Variants in CSMD1 observed in about 807,000 individuals in gnomAD.
CSMD1 encodes the protein CUB and sushi domain-containing protein 1.
In CSMD1, 213 loss-of-function variants were observed where a neutral mutation model predicts 417.5. The observed-to-expected ratio is 0.51, with a 90% confidence interval of 0.46 to 0.57. CSMD1 has a LOEUF of 0.57. Ranked by LOEUF, CSMD1 falls within the 20% of genes least tolerant of loss-of-function variation. The pLI, the probability that CSMD1 is intolerant of heterozygous loss-of-function variation, is 0.00. For synonymous variants in CSMD1, 2,862 were observed against 1,736.8 expected, an observed-to-expected ratio of 1.65 and a Z score of -16.11; for missense variants, 6,923 against 4,529.7, an observed-to-expected ratio of 1.53 and a Z score of -15.17.
At chr8:4,648,347 G>T (rs561782835) in intron 1 of CSMD1, among the ~76,000 whole-genome samples, 1 of 152,154 alleles carries the variant, frequency 6.6e-6, no homozygotes, top group South Asian at 2.1e-4. Flanking sequence ...ATAATGACAT[G>T]ATCCACATTC....
intron 35 of CSMD1, 134 bp downstream of exon 35, chr8:3,188,753 T>C: frequency 1.7e-6 from 1 of 591,110 alleles, no homozygotes; most frequent in Non-Finnish European, 2.6e-6. Flanking sequence ...GTATTTAAAA[T>C]AACCAGTATA....
intron 3 of CSMD1, among the ~76,000 whole-genome samples, chr8:4,095,759 C>T (rs879903878): frequency 6.6e-6 from 1 of 152,096 alleles, no homozygotes; most frequent in Non-Finnish European, 1.5e-5. Flanking sequence ...TCTACATAGT[C>T]CTATTACGTG....
intron 5 of CSMD1, among the ~76,000 whole-genome samples, chr8:3,809,335 A>G (rs1282050442): frequency 1.3e-5 from 2 of 152,176 alleles, no homozygotes; most frequent in Non-Finnish European, 2.9e-5. Context: ...TTTTATCGAT[A>G]AATATTTGTT....
At chr8:3,071,494 T>C (rs1813320912) in intron 49 of CSMD1, among the ~76,000 whole-genome samples, 1 of 152,134 alleles carries the variant, frequency 6.6e-6, no homozygotes, top group Admixed American at 6.5e-5. Context: ...ATTCTGCACA[T>C]GTATCCCAGA....
rs538910064 is a variant in CSMD1, at chr8:3,188,602, C to T, written c.5523+285G>A. Among the ~76,000 whole-genome samples the T allele has an allele frequency of 8.6e-5, 13 of 151,662 alleles. No homozygotes were observed. The East Asian group carries it at 9.7e-4, about 11-fold the overall frequency. On this transcript the variant is annotated intron_variant, in intron 35 of 69. Transcript: ENST00000635120. ...GACTACATGCATGAGCCAATGCACA[C>T]GGCTGAAAGAACAATTTCTACAAAT... is the stretch of plus-strand genomic sequence containing the variant.
chr8:4,032,106 G>GA lies in CSMD1; in HGVS notation c.416-8dup. ...CAAGTGTGGCTAGGTAAAACTATTG[G>GA]AAAAAGAAAAGAAAGGAGAAAAAAC... On this transcript the variant is annotated splice_region_variant and splice_polypyrimidine_tract_variant and intron_variant, in intron 3 of 69. Coordinates refer to ENST00000635120, the MANE Select transcript of CSMD1 (RefSeq NM_033225.6). 6.3e-7 allele frequency: 1 copy of GA among 1,584,406 alleles called. No homozygotes were observed. Among genetic ancestry groups the GA allele is most frequent in the Non-Finnish European group, 8.6e-7 (1 of 1,160,780 alleles).
At chr8:4,007,884 T>G (rs1302149888) in intron 4 of CSMD1, among the ~76,000 whole-genome samples, 1 of 151,980 alleles carries the variant, frequency 6.6e-6, no homozygotes, top group African/African-American at 2.4e-5. Flanking sequence ...GATCTGTGGC[T>G]TTCTTAAGAA....
intron 26 of CSMD1, among the ~76,000 whole-genome samples, chr8:3,249,994 T>G (rs1438178361): frequency 6.6e-6 from 1 of 152,226 alleles, no homozygotes; most frequent in East Asian, 1.9e-4. Context: ...ATTTCAAAAA[T>G]GTAGGTTATT....
intron 1 of CSMD1, among the ~76,000 whole-genome samples, chr8:4,879,233 G>C (rs981254272): frequency 6.6e-6 from 1 of 151,990 alleles, no homozygotes; most frequent in African/African-American, 2.4e-5. Flanking sequence ...CAGGGACAAG[G>C]ACATCAACTC....
chr8:4,386,777 A>G (rs1803483059), intron 3 of CSMD1, among the ~76,000 whole-genome samples: 1 of 152,210 alleles, frequency 6.6e-6, no homozygotes. Flanking sequence ...AGTTGGTTTC[A>G]GTTGAAGAGA....
intron 5 of CSMD1, among the ~76,000 whole-genome samples, chr8:3,768,464 T>C (rs1033015884): frequency 3.3e-5 from 5 of 152,184 alleles, no homozygotes; most frequent in African/African-American, 1.2e-4. Context: ...ATTTCCAACA[T>C]ATTTTTTTCT....
At chr8:3,953,733 C>A (rs369842878) in intron 5 of CSMD1, among the ~76,000 whole-genome samples, 1 of 152,096 alleles carries the variant, frequency 6.6e-6, no homozygotes, top group East Asian at 1.9e-4. Context: ...AAGCTTCCCC[C>A]ACAGAGCCCC....
Position 4,021,075 on chromosome 8 carries a change from T to G in CSMD1, c.610+10830A>C, listed in dbSNP as rs566394749. 2.0e-5 allele frequency among the ~76,000 whole-genome samples: 3 copies of G among 152,300 alleles called. No individual in the cohort carries two copies. The South Asian group carries it at 6.2e-4, about 32-fold the overall frequency. The stretch of plus-strand genomic sequence containing the variant: ...GACAGCATCAGAGCTCTACAAGCAT[T>G]AGCAATAATGAGGATAGAGGATACA... On this transcript the variant is annotated intron_variant, in intron 4 of 69. Coordinates refer to ENST00000635120, the MANE Select transcript of CSMD1 (RefSeq NM_033225.6).
chr8:4,034,580 G>C (rs1307798398), intron 3 of CSMD1, among the ~76,000 whole-genome samples: 1 of 152,090 alleles, frequency 6.6e-6, no homozygotes, highest in Admixed American at 6.5e-5. Flanking sequence ...TTCAACTTTT[G>C]ACTCAGAATG....
At chr8:3,726,418 G>T (rs907595116) in intron 6 of CSMD1, among the ~76,000 whole-genome samples, 1 of 152,210 alleles carries the variant, frequency 6.6e-6, no homozygotes, top group Non-Finnish European at 1.5e-5. Flanking sequence ...AGAAAGGATG[G>T]AATGAGATTG....
intron 3 of CSMD1, among the ~76,000 whole-genome samples, chr8:4,318,906 TAGTC>T (rs1296547422): frequency 6.6e-6 from 1 of 152,186 alleles, no homozygotes; most frequent in East Asian, 1.9e-4. Context: ...TCTGAAACTT[TAGTC>T]AGAAGTGGGT....
chr8:4,256,432 G>A (rs537411452), intron 3 of CSMD1, among the ~76,000 whole-genome samples: 2 of 152,284 alleles, frequency 1.3e-5, no homozygotes, highest in Admixed American at 1.3e-4. Flanking sequence ...ACAGAATTGT[G>A]AAGATTAAAA....
chr8:3,264,206 T>A (rs1029476091), intron 26 of CSMD1, among the ~76,000 whole-genome samples: 1 of 152,194 alleles, frequency 6.6e-6, no homozygotes, highest in Non-Finnish European at 1.5e-5. Context: ...GAGGAAGTAA[T>A]TATTAGATTT....
intron 1 of CSMD1, among the ~76,000 whole-genome samples, chr8:4,987,282 G>C (rs1811227221): frequency 6.6e-6 from 1 of 152,160 alleles, no homozygotes; most frequent in Admixed American, 6.5e-5. Flanking sequence ...GGCACACAAA[G>C]TTTACATAGA....
Sources: gnomAD v4.1 joint callset for allele counts (sites outside exome capture counted in the v4.1 genomes callset) on GRCh38, gnomAD v4.1.1 for gene constraint, MANE v1.5 for transcripts, NCBI Gene and HGNC (gene_info 2026-07-23, HGNC 2026-07-21) for gene names.